AGBL4: variants seen among roughly 807,000 people sequenced by gnomAD.
The protein encoded by AGBL4 is cytosolic carboxypeptidase 6.
In AGBL4, 58 loss-of-function variants were observed where a neutral mutation model predicts 66.4. The ratio of observed to expected loss-of-function variants is 0.87; its 90% CI spans 0.71 to 1.09. AGBL4 has a LOEUF of 1.09. AGBL4 is among the 50% of genes least tolerant of loss of function. The pLI is 0.00. For missense variants in AGBL4, 579 were observed against 631.0 expected (o/e 0.92, Z 0.88); for synonymous variants, 234 against 222.9 (o/e 1.05, Z -0.44).
intron 1 of AGBL4, among the ~76,000 whole-genome samples, chr1:49,925,057 T>C (rs1212575963): frequency 2.6e-5 from 4 of 152,132 alleles, no homozygotes; most frequent in Non-Finnish European, 4.4e-5. Flanking sequence ...ACCAGCGAGG[T>C]GGCTAAGGGA....
chr1:49,721,692 A>G (rs1648623650), intron 2 of AGBL4, among the ~76,000 whole-genome samples: 1 of 152,152 alleles, frequency 6.6e-6, no homozygotes, highest in African/African-American at 2.4e-5. Context: ...AATACTTAGC[A>G]CTATATTGCA....
intron 1 of AGBL4, among the ~76,000 whole-genome samples, chr1:49,997,744 C>A (rs948920700): frequency 2.0e-5 from 3 of 152,080 alleles, no homozygotes; most frequent in African/African-American, 7.2e-5. Context: ...CCAATAACTG[C>A]AGAATATACA....
chr1:49,284,911 C>G (rs985376170), intron 3 of AGBL4, among the ~76,000 whole-genome samples: 2 of 150,554 alleles, frequency 1.3e-5, no homozygotes, highest in Non-Finnish European at 3.0e-5. Context: ...TAGACTCCCA[C>G]ACATTAATAA....
intron 6 of AGBL4, among the ~76,000 whole-genome samples, chr1:48,744,216 T>C (rs1650377151): frequency 6.6e-6 from 1 of 152,212 alleles, no homozygotes; most frequent in Non-Finnish European, 1.5e-5. Context: ...TCTTATTCTT[T>C]CCTTTGTCCC....
intron 3 of AGBL4, among the ~76,000 whole-genome samples, chr1:49,508,622 C>A (rs773482872): frequency 4.6e-5 from 7 of 151,870 alleles, no homozygotes; most frequent in Non-Finnish European, 1.0e-4. Context: ...GGAACTCTGA[C>A]CTAGTTTGGC....
intron 2 of AGBL4, among the ~76,000 whole-genome samples, chr1:49,773,602 G>A (rs1407436706): frequency 6.6e-6 from 1 of 152,198 alleles, no homozygotes; most frequent in East Asian, 1.9e-4. Context: ...TTTGTGGTGG[G>A]TTGGTTTTGC....
At chr1:48,837,709 C>T (rs1314954297) in intron 6 of AGBL4, among the ~76,000 whole-genome samples, 1,933 of 74,422 alleles carry the variant, frequency 0.026, 23 homozygotes, top group Non-Finnish European at 0.039. Context: ...CACACACACA[C>T]ACTATATATA....
chr1:49,300,112 A>G (rs1644717136), intron 3 of AGBL4, among the ~76,000 whole-genome samples: 1 of 152,146 alleles, frequency 6.6e-6, no homozygotes, highest in African/African-American at 2.4e-5. Flanking sequence ...TTTGCTTTTT[A>G]TCATGTAATG....
chr1:48,565,090 T>C (rs79804586), intron 11 of AGBL4, among the ~76,000 whole-genome samples: 2 of 152,336 alleles, frequency 1.3e-5, no homozygotes, highest in East Asian at 1.9e-4. Context: ...AATCCCATCA[T>C]ACACCTGGCC....
chr1:49,694,288 C>G (rs1004665590), intron 3 of AGBL4, among the ~76,000 whole-genome samples: 1 of 152,070 alleles, frequency 6.6e-6, no homozygotes, highest in Non-Finnish European at 1.5e-5. Flanking sequence ...CCTCACAAGT[C>G]AAACTTCATA....
At chr1:48,529,525 A>G (rs1055046247), downstream of AGBL4, among the ~76,000 whole-genome samples, 1 of 152,044 alleles carries the variant, frequency 6.6e-6, no homozygotes, top group African/African-American at 2.4e-5. Context: ...TGGGATTCAC[A>G]CTCAGGTTGG....
chr1:49,200,572 AAC>A (rs927227507), intron 4 of AGBL4, among the ~76,000 whole-genome samples: 36 of 152,168 alleles, frequency 2.4e-4, no homozygotes, highest in African/African-American at 8.2e-4. Flanking sequence ...ACTGGCTATA[AAC>A]CAAGGTTCCT....
At chr1:49,767,945 G>C (rs980533067) in intron 2 of AGBL4, among the ~76,000 whole-genome samples, 2 of 149,732 alleles carry the variant, frequency 1.3e-5, no homozygotes, top group African/African-American at 2.5e-5. Context: ...TTCGAAAATT[G>C]AATCAGTTGC....
chr1:49,380,673 C>G (rs1484677530), intron 3 of AGBL4, among the ~76,000 whole-genome samples: 1 of 152,168 alleles, frequency 6.6e-6, no homozygotes, highest in East Asian at 1.9e-4. Context: ...CAGAACAGAG[C>G]CCTCAGAAAT....
At chr1:49,066,965 G>A (rs943194769) in intron 4 of AGBL4, among the ~76,000 whole-genome samples, 8 of 152,106 alleles carry the variant, frequency 5.3e-5, no homozygotes, top group African/African-American at 1.7e-4. Context: ...CATCTTCTCC[G>A]CACCAACATC....
intron 3 of AGBL4, among the ~76,000 whole-genome samples, chr1:49,414,609 GTC>G (rs1212737595): frequency 6.6e-6 from 1 of 152,166 alleles, no homozygotes; most frequent in Non-Finnish European, 1.5e-5. Context: ...TAATGCTCTA[GTC>G]TCCATGGAGC....
chr1:48,523,324 A>G, the AGBL4 span, among the ~76,000 whole-genome samples: 1 of 152,170 alleles, frequency 6.6e-6, no homozygotes, highest in Admixed American at 6.5e-5. Context: ...GAATGGATGC[A>G]TGCAAAGTAC....
Position 49,325,069 on chromosome 1 carries a change from C to T in AGBL4, c.283-79205G>A, listed in dbSNP as rs950602052. On this transcript the variant is annotated intron_variant, in intron 3 of 13. Coordinates refer to ENST00000371839, the MANE Select transcript of AGBL4 (RefSeq NM_032785.4). ...ACGGAGTCTCGCTCTGTCACCCAGG[C>T]TGGAGTGCAGTGGCACAATCTTGGC... is the stretch of plus-strand genomic sequence containing the variant. Among the ~76,000 whole-genome samples the T allele has an allele frequency of 5.3e-5, 8 of 152,318 alleles. No individual in the cohort carries two copies. The East Asian group carries it at 1.5e-3, about 29-fold the overall frequency.
At chr1:49,398,970 A>C (rs1405046089) in intron 3 of AGBL4, among the ~76,000 whole-genome samples, 1 of 152,042 alleles carries the variant, frequency 6.6e-6, no homozygotes, top group Admixed American at 6.6e-5. Context: ...TTTCATTAAC[A>C]ATCCCCATTT....
Sources: gnomAD v4.1 joint callset for allele counts (sites outside exome capture counted in the v4.1 genomes callset) on GRCh38, gnomAD v4.1.1 for gene constraint, MANE v1.5 for transcripts, NCBI Gene and HGNC (gene_info 2026-07-23, HGNC 2026-07-21) for gene names.